COL14A1: variants seen among roughly 807,000 people sequenced by gnomAD.
The protein encoded by COL14A1 is collagen type XIV alpha 1 chain.
In COL14A1, 136 loss-of-function variants were observed where a neutral mutation model predicts 230.3. The ratio of observed to expected loss-of-function variants is 0.59; its 90% CI spans 0.51 to 0.68. The LOEUF (loss-of-function observed/expected upper bound fraction) is 0.68. Among genes scored for constraint, COL14A1 ranks in the 30% least tolerant of loss-of-function variants. COL14A1 has a pLI of 0.00. For synonymous variants in COL14A1, 792 were observed against 784.1 expected (o/e 1.01, Z -0.17); for missense variants, 1,976 against 2,215.8 (o/e 0.89, Z 2.17).
At chr8:120,361,103 G>A (rs922054105) in intron 45 of COL14A1, among the ~76,000 whole-genome samples, 4 of 151,894 alleles carry the variant, frequency 2.6e-5, no homozygotes, top group Admixed American at 2.6e-4. Flanking sequence ...ACAGGTAATA[G>A]TGGCTCCATG....
At chr8:120,251,253 T>A (rs1818938788) in intron 22 of COL14A1, among the ~76,000 whole-genome samples, 1 of 152,228 alleles carries the variant, frequency 6.6e-6, no homozygotes. Context: ...AGTACCTGGC[T>A]TTCAAATAGA....
chr8:120,346,413 T>A (rs540464800), intron 45 of COL14A1, among the ~76,000 whole-genome samples: 2 of 152,340 alleles, frequency 1.3e-5, no homozygotes, highest in East Asian at 1.9e-4. Flanking sequence ...TTTTCTAAGA[T>A]ACATTTTGTA....
At chr8:120,184,212 G>T (rs890603359) in intron 5 of COL14A1, among the ~76,000 whole-genome samples, 23 of 133,200 alleles carry the variant, frequency 1.7e-4, no homozygotes, top group East Asian at 1.0e-3. Context: ...GTGTGTGTGT[G>T]GGGGGGGAAG....
At chr8:120,284,841 A>G (rs1820145449) in intron 32 of COL14A1, among the ~76,000 whole-genome samples, 1 of 152,140 alleles carries the variant, frequency 6.6e-6, no homozygotes, top group African/African-American at 2.4e-5. Context: ...GAAAGAAAAA[A>G]GATTAGATAA....
rs548007476 is a variant in COL14A1 at position 120,225,699 on chromosome 8, A to G, written c.1864+485A>G. ...AATAAGTAATATTTTAAACACTAAAATTAAATATAAGACATGAATACATTA... is the reference window on the plus strand; with the variant it reads ...AATAAGTAATATTTTAAACACTAAAGTTAAATATAAGACATGAATACATTA... On this transcript the variant is annotated intron_variant, in intron 15 of 47. Coordinates refer to ENST00000297848, the MANE Select transcript of COL14A1 (RefSeq NM_021110.4). 3.3e-5 allele frequency among the ~76,000 whole-genome samples: 5 copies of G among 152,304 alleles called. No individual in the cohort carries two copies. In the South Asian group the frequency reaches 1.0e-3, roughly 32 times the overall value.
intron 23 of COL14A1, among the ~76,000 whole-genome samples, chr8:120,262,161 A>T (rs955043449): frequency 6.6e-6 from 1 of 152,056 alleles, no homozygotes; most frequent in Non-Finnish European, 1.5e-5. Flanking sequence ...ATCATATCGA[A>T]TAAAAGGGAG....
chr8:120,332,297 C>T lies in COL14A1; in HGVS notation c.4713+103C>T, dbSNP rs552918521. The stretch of plus-strand genomic sequence containing the variant: ...GATCTTTTACCAGCAGCCGTCTTCA[C>T]TATAGTGTGACAACTCATCCCTTGA... On this transcript the variant is annotated intron_variant, in intron 41 of 47. Transcript: ENST00000297848. The T allele has an allele frequency of 2.9e-5, 32 of 1,105,806 alleles. No homozygotes were observed. In the African/African-American group the frequency reaches 4.7e-4, roughly 16 times the overall value. 68.5% of individuals were successfully genotyped at this position (1,105,806 alleles called of 1,614,324 possible). A position where few individuals can be genotyped will look rare whatever the true frequency, so the allele number is the denominator to read the frequency against.
chr8:120,236,200 A>T (rs1019016121), intron 19 of COL14A1, among the ~76,000 whole-genome samples: 3 of 152,136 alleles, frequency 2.0e-5, no homozygotes, highest in Admixed American at 6.5e-5. Context: ...TATCTGTCTA[A>T]TATTGACAGT....
chr8:120,229,636 A>G (rs1818206849), intron 18 of COL14A1, among the ~76,000 whole-genome samples: 2 of 152,122 alleles, frequency 1.3e-5, no homozygotes, highest in Admixed American at 1.3e-4. Flanking sequence ...CAGTAATGGG[A>G]TGGCTGGGTC....
intron 5 of COL14A1, among the ~76,000 whole-genome samples, chr8:120,170,716 A>G (rs561948747): frequency 2.8e-4 from 42 of 152,176 alleles, no homozygotes; most frequent in African/African-American, 9.9e-4. Context: ...GTATTTTTCT[A>G]GTCAATTTTT....
chr8:120,241,975 A>T (rs1389732376), intron 19 of COL14A1, among the ~76,000 whole-genome samples: 1 of 152,250 alleles, frequency 6.6e-6, no homozygotes, highest in Non-Finnish European at 1.5e-5. Context: ...GAACACTGAC[A>T]TGATGCTACA....
chr8:120,362,076 G>T (rs991640488), intron 45 of COL14A1, among the ~76,000 whole-genome samples: 6 of 152,206 alleles, frequency 3.9e-5, no homozygotes, highest in Admixed American at 3.9e-4. Flanking sequence ...CAGGAGGTTT[G>T]GGAAGCCATA....
chr8:120,279,343 A>AATAT lies in COL14A1; in HGVS notation c.3482-590_3482-589insATAT, dbSNP rs556632458. ...TGTAAAAAAGAAAAAATATTGATTG[A>AATAT]ATGTATATATATATATATGGACCAG... On this transcript the variant is annotated intron_variant, in intron 28 of 47. Coordinates refer to ENST00000297848, the MANE Select transcript of COL14A1 (RefSeq NM_021110.4). 3.9e-3 allele frequency among the ~76,000 whole-genome samples: 589 copies of AATAT among 150,756 alleles called. 3 individuals carry two copies. The highest frequency in any genetic ancestry group is 0.014 in the African/African-American group (560 of 40,922).
Position 120,266,823 on chromosome 8 carries a change from A to G in COL14A1, c.3017-4A>G. ...CTGATGTCCTTTCTCCCTTTCCTTT[A>G]CAGAATCACTTCCTACACGACCACC... On this transcript the variant is annotated splice_polypyrimidine_tract_variant and splice_region_variant and intron_variant, in intron 24 of 47. Coordinates refer to ENST00000297848, the MANE Select transcript of COL14A1 (RefSeq NM_021110.4). The G allele has an allele frequency of 6.2e-7, 1 of 1,610,970 alleles. No homozygotes were observed. The highest frequency in any genetic ancestry group is 8.5e-7 in the Non-Finnish European group (1 of 1,177,814).
intron 1 of COL14A1, among the ~76,000 whole-genome samples, chr8:120,132,173 AT>A (rs144262720): frequency 0.01 from 1,524 of 152,088 alleles, 24 homozygotes; most frequent in African/African-American, 0.034. Flanking sequence ...TTCTTCTAGG[AT>A]TTTTTTATAA....
At chr8:120,324,208 C>T (rs1204986327) in intron 40 of COL14A1, among the ~76,000 whole-genome samples, 1 of 151,256 alleles carries the variant, frequency 6.6e-6, no homozygotes, top group East Asian at 1.9e-4. Flanking sequence ...AGCTCATGTA[C>T]CCTGAACCTA....
At chr8:120,157,989 AG>A in intron 2 of COL14A1, 140 bp from the exon 3 acceptor site, 1 of 477,274 alleles carries the variant, frequency 2.1e-6, no homozygotes, top group East Asian at 3.8e-5. Context: ...CCTCTCAAAA[AG>A]CATATGTATA....
chr8:120,370,304 C>A, intron 47 of COL14A1: 1 of 1,600,480 alleles, frequency 6.2e-7, no homozygotes, highest in Non-Finnish European at 8.5e-7. Context: ...TTTTCCCTCC[C>A]TGTTCTCTCA....
chr8:120,257,163 AG>A (rs1369661755), intron 23 of COL14A1, among the ~76,000 whole-genome samples: 1 of 152,202 alleles, frequency 6.6e-6, no homozygotes, highest in Non-Finnish European at 1.5e-5. Context: ...CAAGTAAATG[AG>A]TCCACAGTTG....
Sources: gnomAD v4.1 joint callset for allele counts (sites outside exome capture counted in the v4.1 genomes callset) on GRCh38, gnomAD v4.1.1 for gene constraint, MANE v1.5 for transcripts, NCBI Gene and HGNC (gene_info 2026-07-23, HGNC 2026-07-21) for gene names.